PHIP: variants seen among roughly 807,000 people sequenced by gnomAD.
PHIP encodes PH-interacting protein.
A neutral mutation model predicts 236.8 loss-of-function variants in PHIP; 54 were observed. The observed-to-expected ratio is 0.23, with a 90% confidence interval of 0.18 to 0.29. The LOEUF (loss-of-function observed/expected upper bound fraction) is 0.29. Among genes scored for constraint, PHIP ranks in the 10% least tolerant of loss-of-function variants. The probability of loss-of-function intolerance (pLI) is 1.00; values close to 1 mark genes in which losing one functional copy is unlikely to be tolerated. For missense variants in PHIP, 1,370 were observed against 2,190.8 expected (o/e 0.63, Z 7.48); for synonymous variants, 756 against 718.9 (o/e 1.05, Z -0.83).
chr6:78,969,855 T>C lies in PHIP; in HGVS notation c.3185A>G (p.Lys1062Arg), dbSNP rs899422780. ...CCCACCTATATTCCATCGCCTGTATTTTGCATCATCAAATTGTTGTCTCAA... is the reference window on the plus strand; with the variant it reads ...CCCACCTATATTCCATCGCCTGTATCTTGCATCATCAAATTGTTGTCTCAA... ...LVLRQQFDDAKYRRWNIGDRF... is the reference protein window; with the variant it reads ...LVLRQQFDDARYRRWNIGDRF... The change falls in exon 27 of 40, where the codon AAA becomes AGA. Residue 1062 changes from lysine (K) to arginine (R), a missense_variant. By Grantham distance (26) the Lys-to-Arg change is conservative. This residue lies in a region of PHIP where 238 missense variants were observed against 398.5 expected (regional missense o/e 0.60). Coordinates refer to ENST00000275034, the MANE Select transcript of PHIP (RefSeq NM_017934.7). 18 of 1,578,964 alleles carry C rather than the reference T, an allele frequency of 1.1e-5. No homozygotes were observed. The highest frequency in any genetic ancestry group is 1.6e-5 in the Non-Finnish European group (18 of 1,151,692).
At chr6:78,987,593 A>G (rs980764303) in intron 21 of PHIP, among the ~76,000 whole-genome samples, 4 of 152,142 alleles carry the variant, frequency 2.6e-5, no homozygotes, top group Non-Finnish European at 5.9e-5. Context: ...ACCTGTAAAG[A>G]AGGAAGGTGA....
At chr6:78,951,788 A>G (rs1774166394) in intron 35 of PHIP, among the ~76,000 whole-genome samples, 1 of 152,236 alleles carries the variant, frequency 6.6e-6, no homozygotes, top group African/African-American at 2.4e-5. Context: ...TTATATAAAA[A>G]TTCATTTGCC....
intron 31 of PHIP, among the ~76,000 whole-genome samples, chr6:78,958,886 G>A (rs1766590725): frequency 6.6e-6 from 1 of 152,070 alleles, no homozygotes; most frequent in Non-Finnish European, 1.5e-5. Flanking sequence ...GGAGTGGCAG[G>A]AGAGTAGAAA....
At chr6:78,974,709 GA>G (rs1417443263) in intron 24 of PHIP, among the ~76,000 whole-genome samples, 1 of 152,150 alleles carries the variant, frequency 6.6e-6, no homozygotes, top group Non-Finnish European at 1.5e-5. Context: ...CGATCCCACA[GA>G]AATACAAACT....
At chr6:79,053,626 T>C (rs955330106) in intron 6 of PHIP, among the ~76,000 whole-genome samples, 44 of 152,172 alleles carry the variant, frequency 2.9e-4, no homozygotes, top group Non-Finnish European at 5.0e-4. Context: ...GTCCAAAAGA[T>C]GTCTAAGAAA....
rs573166890 is a variant in PHIP, at chr6:78,985,268, T to C, written c.2537+84A>G. 5 of 768,838 alleles carry C rather than the reference T, an allele frequency of 6.5e-6. 1 individual carries two copies. The highest frequency in any genetic ancestry group is 4.9e-5 in the East Asian group (2 of 40,418). 47.6% of individuals were successfully genotyped at this position (768,838 alleles called of 1,614,324 possible). ...GAAGAACTTTGAACTTACAGAGACT[T>C]TGAAACGTGTTGCTGGTTAAAAAAA... On this transcript the variant is annotated intron_variant, in intron 22 of 39. Coordinates refer to ENST00000275034, the MANE Select transcript of PHIP (RefSeq NM_017934.7).
Position 78,978,600 on chromosome 6 carries a change from C to A in PHIP, c.2881G>T (p.Gly961Cys). 6.3e-7 allele frequency: 1 copy of A among 1,588,730 alleles called. No homozygotes were observed. Among genetic ancestry groups the A allele is most frequent in the South Asian group, 1.1e-5 (1 of 87,110 alleles). Residue 961 changes from glycine (G) to cysteine (C), a missense_variant, in exon 24 of 40, where the codon GGT becomes TGT. Physicochemically the swap from Gly to Cys is radical, Grantham distance 159 (BLOSUM62 -3). This residue lies in a region of PHIP where 238 missense variants were observed against 398.5 expected (regional missense o/e 0.60). Coordinates refer to ENST00000275034, the MANE Select transcript of PHIP (RefSeq NM_017934.7). ...PRRCPFVPQM[G>C]DEVYYFRQGH... is the part of the protein sequence containing the mutation. The stretch of plus-strand genomic sequence containing the variant: ...TAAAACTTTTAAAGTACCTCATCAC[C>A]CATCTGTGGCACAAATGGACATCTT...
chr6:78,942,005 ACAGGAACTAC>A (rs1773526869), intron 39 of PHIP, among the ~76,000 whole-genome samples: 1 of 151,756 alleles, frequency 6.6e-6, no homozygotes. Flanking sequence ...AAAATATGCC[ACAGGAACTAC>A]CAGTAACTAA....
intron 7 of PHIP, among the ~76,000 whole-genome samples, chr6:79,031,918 C>A (rs370899486): frequency 6.6e-6 from 1 of 152,112 alleles, no homozygotes; most frequent in South Asian, 2.1e-4. Context: ...GTTTCAGAGG[C>A]AAGACTCAAA....
At chr6:79,045,387 C>T (rs1411125899) in intron 6 of PHIP, among the ~76,000 whole-genome samples, 2 of 152,106 alleles carry the variant, frequency 1.3e-5, no homozygotes, top group African/African-American at 4.8e-5. Flanking sequence ...GAAGGATGAG[C>T]TAGGACTCAC....
intron 19 of PHIP, among the ~76,000 whole-genome samples, chr6:78,995,418 T>C (rs73464137): frequency 0.018 from 2,749 of 152,312 alleles, 90 homozygotes; most frequent in African/African-American, 0.062. Flanking sequence ...GGCAGTTCCA[T>C]GTTTAGGATT....
At chr6:78,990,747 T>C in intron 20 of PHIP, 121 bp downstream of exon 20, 1 of 520,382 alleles carries the variant, frequency 1.9e-6, no homozygotes, top group African/African-American at 2.0e-5. Context: ...AACCAAGATT[T>C]ACTATGTTAA....
chr6:78,947,052 T>C (rs1416072807), intron 36 of PHIP, among the ~76,000 whole-genome samples, 178 bp from the exon 37 acceptor site: 3 of 152,338 alleles, frequency 2.0e-5, no homozygotes, highest in East Asian at 1.9e-4. Context: ...TTAACAATTA[T>C]GTATTTTTGT....
intron 7 of PHIP, among the ~76,000 whole-genome samples, chr6:79,042,118 T>C (rs537435146): frequency 1.3e-5 from 2 of 152,142 alleles, no homozygotes; most frequent in South Asian, 2.1e-4. Context: ...TGTTTAATAA[T>C]AAATATCATC....
chr6:79,044,956 T>A (rs894912440), intron 6 of PHIP, among the ~76,000 whole-genome samples: 2 of 152,068 alleles, frequency 1.3e-5, no homozygotes, highest in Admixed American at 1.3e-4. Flanking sequence ...TGGAAGCCAA[T>A]TGAAAAAAAA....
chr6:79,061,151 A>G (rs570238067), intron 4 of PHIP, among the ~76,000 whole-genome samples: 4 of 152,212 alleles, frequency 2.6e-5, no homozygotes, highest in Non-Finnish European at 5.9e-5. Context: ...ACTTCAAAAT[A>G]CTGCTTAATT....
intron 29 of PHIP, among the ~76,000 whole-genome samples, chr6:78,964,016 C>T (rs779462806): frequency 3.0e-4 from 46 of 152,318 alleles, no homozygotes; most frequent in Middle Eastern, 3.4e-3. Flanking sequence ...GAATCAGTAT[C>T]ACTTATTCAT....
At position 79,078,110 on chromosome 6, in the gene PHIP, G is replaced by C. The variant is rs1244969110; in HGVS notation, c.-42C>G. The C allele has an allele frequency of 7.5e-6, 12 of 1,599,354 alleles. No homozygotes were observed. Among genetic ancestry groups the C allele is most frequent in the South Asian group, 1.1e-5 (1 of 90,472 alleles). On this transcript the variant is annotated 5_prime_UTR_variant, in exon 1 of 40. Coordinates refer to ENST00000275034, the MANE Select transcript of PHIP (RefSeq NM_017934.7). ...AGGGCCGCCGACGGGACACCCCGCCGCCGAGGGGAAGCGGGGACGGTGCCG... is the reference window on the plus strand; with the variant it reads ...AGGGCCGCCGACGGGACACCCCGCCCCCGAGGGGAAGCGGGGACGGTGCCG...
rs531422377 is a variant in PHIP at position 79,040,911 on chromosome 6, A to G, written c.600+1932T>C. Among the ~76,000 whole-genome samples, 15 of 152,184 alleles carry G rather than the reference A, an allele frequency of 9.9e-5. No individual in the cohort carries two copies. The South Asian group carries it at 3.1e-3, about 31-fold the overall frequency. The stretch of plus-strand genomic sequence containing the variant: ...CATCTTTAGACTTTGGTAAGACCAT[A>G]TAAAATAGTACAGTGCTACTTTTCT... On this transcript the variant is annotated intron_variant, in intron 7 of 39. Transcript: ENST00000275034.
Sources: gnomAD v4.1 joint callset for allele counts (sites outside exome capture counted in the v4.1 genomes callset) on GRCh38, gnomAD v4.1.1 for gene constraint, gnomAD v4.1.1 regional missense constraint, MANE v1.5 for transcripts, NCBI Gene and HGNC (gene_info 2026-07-23, HGNC 2026-07-21) for gene names.